Variants in SS18L1 observed in about 807,000 individuals in gnomAD.
The protein encoded by SS18L1 is SS18L1 subunit of BAF chromatin remodeling complex.
A neutral mutation model predicts 70.3 loss-of-function variants in SS18L1; 32 were observed. The ratio of observed to expected loss-of-function variants is 0.46; its 90% CI spans 0.34 to 0.61. SS18L1 has a LOEUF of 0.61. Ranked by LOEUF, SS18L1 falls within the 20% of genes least tolerant of loss-of-function variation. The pLI, the probability that SS18L1 is intolerant of heterozygous loss-of-function variation, is 0.01. For synonymous variants in SS18L1, 237 were observed against 229.7 expected, an observed-to-expected ratio of 1.03 and a Z score of -0.29; for missense variants, 430 against 542.1, an observed-to-expected ratio of 0.79 and a Z score of 2.05.
chr20:62,161,604 C>T lies in SS18L1; in HGVS notation c.376+24C>T, dbSNP rs751660878. On this transcript the variant is annotated intron_variant, in intron 4 of 10. Coordinates refer to ENST00000331758, the MANE Select transcript of SS18L1 (RefSeq NM_198935.3). The surrounding 1 kb of genome is among the most constrained non-coding windows in gnomAD (Gnocchi z 4.4). ...CGGTGAGTGCGGCGGGGGAGGAGGA[C>T]GTTCCTGGCTACGAGGCCACCAAGG... is the stretch of plus-strand genomic sequence containing the variant. 5.0e-6 allele frequency: 8 copies of T among 1,592,526 alleles called. No individual in the cohort carries two copies. The highest frequency in any genetic ancestry group is 4.5e-5 in the East Asian group (2 of 44,292).
chr20:62,162,361 G>T (rs1401341078), intron 4 of SS18L1, among the ~76,000 whole-genome samples: 1 of 152,152 alleles, frequency 6.6e-6, no homozygotes, highest in Non-Finnish European at 1.5e-5. Flanking sequence ...AGTGCAATGG[G>T]CATGATCTTG....
intron 8 of SS18L1, 114 bp downstream of exon 8, chr20:62,165,628 C>T (rs1417337578): frequency 7.3e-6 from 7 of 960,380 alleles, no homozygotes; most frequent in Non-Finnish European, 9.5e-6. Context: ...CCTTAAATCA[C>T]AGCACAGCGC....
chr20:62,172,947 C>T lies in SS18L1; in HGVS notation c.1036+146C>T, dbSNP rs8114022. 12,153 of 1,493,210 alleles carry T rather than the reference C, an allele frequency of 8.1e-3. 810 individuals are homozygous for T. In the African/African-American group the frequency reaches 0.15, roughly 18 times the overall value. The allele number at this position is 1,493,210 out of a possible 1,614,324, so 92.5% of individuals were successfully genotyped here. A position where few individuals can be genotyped will look rare whatever the true frequency, so the allele number is the denominator to read the frequency against. ...AGAGGCGAGCACGCTCCTCGGGGCC[C>T]CCCAGCGCCCACCCCTGCCCCTGCC... On this transcript the variant is annotated intron_variant, in intron 9 of 10. Transcript: ENST00000331758.
intron 10 of SS18L1, among the ~76,000 whole-genome samples, chr20:62,177,339 C>G (rs1227626656): frequency 1.3e-5 from 2 of 151,836 alleles, no homozygotes; most frequent in Non-Finnish European, 2.9e-5. Flanking sequence ...GGCTCCAGGG[C>G]TGCCATGCCT....
At position 62,159,246 on chromosome 20, in the gene SS18L1, C is replaced by T. The variant is rs530561811; in HGVS notation, c.146+498C>T. 5.9e-5 allele frequency among the ~76,000 whole-genome samples: 9 copies of T among 152,292 alleles called. No individual in the cohort carries two copies. Among genetic ancestry groups the T allele is most frequent in the Admixed American group, 5.9e-4 (9 of 15,300 alleles). On this transcript the variant is annotated intron_variant, in intron 2 of 10. Transcript: ENST00000331758. The surrounding 1 kb of genome is among the most constrained non-coding windows in gnomAD (Gnocchi z 4.4). ...GTGGGACCTCCTGTGACCCTGTGAA[C>T]CTAGGGCCTGATGCGTAGGAGGGGT...
At position 62,161,368 on chromosome 20, in the gene SS18L1, GC is replaced by G; in HGVS notation, c.232-66del. 6.2e-7 allele frequency: 1 copy of G among 1,610,920 alleles called. No homozygotes were observed. Among genetic ancestry groups the G allele is most frequent in the Non-Finnish European group, 8.5e-7 (1 of 1,178,982 alleles). ...AATCTCGGGTGCCCTCTCATCCCTG[GC>G]CTGGCTTGTGGAGGTCGCTCTCCGT... On this transcript the variant is annotated intron_variant, in intron 3 of 10. Coordinates refer to ENST00000331758, the MANE Select transcript of SS18L1 (RefSeq NM_198935.3). The surrounding 1 kb of genome is among the most constrained non-coding windows in gnomAD (Gnocchi z 4.4).
rs567020992 is a variant in SS18L1, at chr20:62,161,233, A to G, written c.232-203A>G. 6.6e-6 allele frequency among the ~76,000 whole-genome samples: 1 copy of G among 150,812 alleles called. No homozygotes were observed. The highest frequency in any genetic ancestry group is 2.4e-5 in the African/African-American group (1 of 41,100). ...TCAGTAGGGTTGTGAACGCTCACCC[A>G]GATGCTCACTCTGCCATCTCCATCT... On this transcript the variant is annotated intron_variant, in intron 3 of 10. Transcript: ENST00000331758. The surrounding 1 kb of genome is among the most constrained non-coding windows in gnomAD (Gnocchi z 4.4).
chr20:62,156,038 C>CA (rs1378401128), intron 1 of SS18L1, among the ~76,000 whole-genome samples: 1 of 133,934 alleles, frequency 7.5e-6, no homozygotes, highest in African/African-American at 2.7e-5. Context: ...TAAACACCCA[C>CA]ACCAGTACTG....
intron 8 of SS18L1, among the ~76,000 whole-genome samples, chr20:62,171,618 A>G (rs756799376): frequency 1.3e-5 from 2 of 152,272 alleles, no homozygotes; most frequent in Non-Finnish European, 2.9e-5. Context: ...CATTATCTCA[A>G]TAAAGCTGTT....
intron 7 of SS18L1, among the ~76,000 whole-genome samples, chr20:62,164,893 CTAAA>C (rs1270719973): frequency 1.3e-5 from 2 of 152,156 alleles, no homozygotes; most frequent in Non-Finnish European, 2.9e-5. Context: ...GATCCTGTCT[CTAAA>C]TAAAGTAAAA....
At chr20:62,152,310 T>C (rs576067583) in intron 1 of SS18L1, among the ~76,000 whole-genome samples, 33 of 152,302 alleles carry the variant, frequency 2.2e-4, no homozygotes, top group Non-Finnish European at 3.8e-4. Context: ...ATGGGCACAT[T>C]GATGAAGCAT....
rs2145725297 is a variant in SS18L1 at position 62,158,353 on chromosome 20, A to G, written c.70-319A>G. 6.6e-6 allele frequency among the ~76,000 whole-genome samples: 1 copy of G among 151,628 alleles called. No homozygotes were observed. Among genetic ancestry groups the G allele is most frequent in the South Asian group, 2.1e-4 (1 of 4,784 alleles). On this transcript the variant is annotated intron_variant, in intron 1 of 10. Transcript: ENST00000331758. The surrounding 1 kb of genome is among the most constrained non-coding windows in gnomAD (Gnocchi z 4.5). ...TGGCTGAGGCAATGCACGTAACGAC[A>G]GTTTCGTATACAGAACAGGCGTAGC...
intron 7 of SS18L1, among the ~76,000 whole-genome samples, chr20:62,164,540 C>T (rs374486380): frequency 7.9e-5 from 12 of 152,182 alleles, no homozygotes; most frequent in Admixed American, 2.0e-4. Flanking sequence ...GAGTTGGAGG[C>T]GGATAATTGT....
chr20:62,167,142 T>C (rs1234732544), intron 8 of SS18L1, among the ~76,000 whole-genome samples: 3 of 138,118 alleles, frequency 2.2e-5, no homozygotes, highest in Non-Finnish European at 4.6e-5. Flanking sequence ...GCCTCCCAGG[T>C]TCAAGCAATT....
At chr20:62,163,747 T>TGGGGGAGTGAGGCG in intron 6 of SS18L1, 125 bp downstream of exon 6, 1 of 1,309,946 alleles carries the variant, frequency 7.6e-7, no homozygotes, top group Non-Finnish European at 1.0e-6. Context: ...GGAGTGAGGC[T>TGGGGGAGTGAGGCG]TGGCGCCTTG....
At chr20:62,168,325 C>T (rs1442318945) in intron 8 of SS18L1, among the ~76,000 whole-genome samples, 2 of 152,218 alleles carry the variant, frequency 1.3e-5, no homozygotes, top group Admixed American at 6.5e-5. Flanking sequence ...CTTTACCCTA[C>T]AGCAGGTGGT....
intron 1 of SS18L1, chr20:62,154,544 C>G: frequency 9.8e-7 from 1 of 1,015,348 alleles, no homozygotes; most frequent in Non-Finnish European, 1.2e-6. Context: ...ACTGGGTCAT[C>G]ACACCTCAGG....
chr20:62,182,238 G>A lies in SS18L1; in HGVS notation c.*3030G>A, dbSNP rs968897086. On this transcript the variant is annotated 3_prime_UTR_variant, in exon 11 of 11. Transcript: ENST00000331758. ...TCTGATTTTGTCAGGGTTTTTCTAC[G>A]TGTAGGCGTGAATAGGGGGCACCCC... is the stretch of plus-strand genomic sequence containing the variant. The A allele has an allele frequency of 4.6e-6, 1 of 217,554 alleles. No individual in the cohort carries two copies. The highest frequency in any genetic ancestry group is 9.2e-6 in the Non-Finnish European group (1 of 108,310). 13.5% of individuals were successfully genotyped at this position (217,554 alleles called of 1,614,324 possible).
chr20:62,146,875 C>A (rs2057040043), intron 1 of SS18L1, among the ~76,000 whole-genome samples: 1 of 152,232 alleles, frequency 6.6e-6, no homozygotes, highest in East Asian at 1.9e-4. Flanking sequence ...CCCTCCCCCC[C>A]TTAGCCTCCC....
Sources: gnomAD v4.1 joint callset for allele counts (sites outside exome capture counted in the v4.1 genomes callset) on GRCh38, gnomAD v4.1.1 for gene constraint, Gnocchi (gnomAD v3.1) non-coding constraint, MANE v1.5 for transcripts, NCBI Gene and HGNC (gene_info 2026-07-23, HGNC 2026-07-21) for gene names.